Variants in NREP observed in about 807,000 individuals in gnomAD.
NREP encodes neuronal regeneration-related protein.
Under a neutral mutation model 8.6 loss-of-function variants are expected in NREP, and 5 were observed. That is an observed-to-expected ratio of 0.58 (90% CI 0.30 to 1.22). The LOEUF is 1.22. Ranked by LOEUF, NREP falls within the 50% of genes most tolerant of loss-of-function variation. The pLI, the probability that NREP is intolerant of heterozygous loss-of-function variation, is 0.07. For synonymous variants in NREP, 27 were observed against 28.0 expected (o/e 0.96, Z 0.11); for missense variants, 86 against 82.5 (o/e 1.04, Z -0.17).
At chr5:111,759,738 G>C (rs908279462), upstream of NREP, among the ~76,000 whole-genome samples, 1 of 152,142 alleles carries the variant, frequency 6.6e-6, no homozygotes, top group Admixed American at 6.5e-5. Flanking sequence ...AAGGATATAT[G>C]AGAAACTCAT....
chr5:111,785,933 T>C (rs1171040346), intron 2 of NREP, among the ~76,000 whole-genome samples: 3 of 152,152 alleles, frequency 2.0e-5, no homozygotes, highest in African/African-American at 7.2e-5. Flanking sequence ...AGAGAGAGTA[T>C]GAAAACAAGA....
chr5:111,810,796 T>A (rs377531662), intron 2 of NREP, among the ~76,000 whole-genome samples: 1 of 152,200 alleles, frequency 6.6e-6, no homozygotes, highest in Non-Finnish European at 1.5e-5. Context: ...GTCTTTGTTT[T>A]GGGGGGTACA....
At chr5:111,917,464 A>C (rs1755095424) in intron 2 of NREP, among the ~76,000 whole-genome samples, 1 of 152,138 alleles carries the variant, frequency 6.6e-6, no homozygotes, top group Admixed American at 6.5e-5. Context: ...TCCTCAATAA[A>C]ATACTGACAA....
intron 2 of NREP, among the ~76,000 whole-genome samples, chr5:111,831,188 C>T (rs1040152668): frequency 6.6e-6 from 1 of 152,106 alleles, no homozygotes; most frequent in Non-Finnish European, 1.5e-5. Flanking sequence ...TGTGGTTTTA[C>T]ACTCATCACT....
At chr5:111,875,250 AATAC>A (rs901139884) in intron 2 of NREP, among the ~76,000 whole-genome samples, 4 of 152,146 alleles carry the variant, frequency 2.6e-5, no homozygotes, top group African/African-American at 9.7e-5. Flanking sequence ...GTTTTAAAAT[AATAC>A]ATACTCTAAA....
intron 2 of NREP, among the ~76,000 whole-genome samples, chr5:111,914,878 C>T (rs895611979): frequency 6.6e-6 from 1 of 152,084 alleles, no homozygotes; most frequent in Non-Finnish European, 1.5e-5. Context: ...TAGGAATGTG[C>T]CCAAGAGTGC....
At chr5:111,852,920 A>G (rs1255397912) in intron 2 of NREP, among the ~76,000 whole-genome samples, 1 of 152,168 alleles carries the variant, frequency 6.6e-6, no homozygotes, top group Non-Finnish European at 1.5e-5. Context: ...AAGTAGATAG[A>G]GTGAGAGAAG....
rs529325649 is a variant in NREP at position 111,764,763 on chromosome 5, T to C, written c.136-29256A>G. On this transcript the variant is annotated intron_variant, in intron 2 of 3. Coordinates refer to the NREP transcript ENST00000395634. The stretch of plus-strand genomic sequence containing the variant: ...GGTAGTATTTTTATTCTTGTAATGA[T>C]ACCCAAGAAGGTAAACCCCTGACAG... 2.0e-5 allele frequency among the ~76,000 whole-genome samples: 3 copies of C among 152,328 alleles called. No individual in the cohort carries two copies. In the South Asian group the frequency reaches 6.2e-4, roughly 32 times the overall value.
intron 2 of NREP, among the ~76,000 whole-genome samples, chr5:111,970,447 C>T (rs922346263): frequency 6.6e-6 from 1 of 152,112 alleles, no homozygotes; most frequent in Non-Finnish European, 1.5e-5. Flanking sequence ...TCTCAAGCTC[C>T]TAAGGACTTC....
At chr5:111,964,326 A>T (rs1363280057) in intron 2 of NREP, among the ~76,000 whole-genome samples, 1 of 152,138 alleles carries the variant, frequency 6.6e-6, no homozygotes, top group Non-Finnish European at 1.5e-5. Flanking sequence ...CACATATTTC[A>T]TATATGTAAA....
intron 2 of NREP, among the ~76,000 whole-genome samples, chr5:111,741,824 T>TACACACAGACACACACACACAC (rs138411321): frequency 4.1e-5 from 3 of 73,438 alleles, no homozygotes; most frequent in African/African-American, 1.2e-4. Flanking sequence ...AACACACACA[T>TACACACAGACACACACACACAC]ACACACACAC....
At chr5:111,797,108 G>GATAT (rs1247041318) in intron 2 of NREP, among the ~76,000 whole-genome samples, 4 of 148,326 alleles carry the variant, frequency 2.7e-5, no homozygotes, top group Non-Finnish European at 6.0e-5. Context: ...TAGATAGATA[G>GATAT]ATATTTCAAA....
At chr5:111,760,128 T>C (rs1015476856), upstream of NREP, among the ~76,000 whole-genome samples, 1 of 152,192 alleles carries the variant, frequency 6.6e-6, no homozygotes, top group Non-Finnish European at 1.5e-5. Context: ...AAGATAATTT[T>C]TTGACGGGGT....
chr5:111,876,850 A>G (rs896552114), intron 2 of NREP, among the ~76,000 whole-genome samples: 2 of 152,228 alleles, frequency 1.3e-5, no homozygotes, highest in African/African-American at 4.8e-5. Flanking sequence ...AATTATTACT[A>G]AATCTATTCT....
intron 2 of NREP, among the ~76,000 whole-genome samples, chr5:111,764,750 A>C (rs1751041748): frequency 6.6e-6 from 1 of 152,180 alleles, no homozygotes; most frequent in Non-Finnish European, 1.5e-5. Flanking sequence ...TAGTATTTTT[A>C]TTCTTGTAAT....
chr5:111,961,181 T>C (rs1306346666), intron 2 of NREP, among the ~76,000 whole-genome samples: 3 of 152,232 alleles, frequency 2.0e-5, no homozygotes, highest in Non-Finnish European at 4.4e-5. Context: ...GAAGGTTCCC[T>C]GGCTGTCAGT....
intron 3 of NREP, 29 bp from the exon 4 acceptor site, chr5:111,731,075 C>G: frequency 6.2e-7 from 1 of 1,607,408 alleles, no homozygotes; most frequent in South Asian, 1.1e-5. Context: ...CACACACAGA[C>G]AGACACACAT....
intron 2 of NREP, among the ~76,000 whole-genome samples, chr5:111,876,125 C>T (rs904256751): frequency 1.3e-5 from 2 of 152,138 alleles, no homozygotes; most frequent in African/African-American, 4.8e-5. Flanking sequence ...TCTTATTGTC[C>T]CTGGTGGACA....
chr5:111,831,299 A>T (rs919179306), intron 2 of NREP, among the ~76,000 whole-genome samples: 1 of 151,918 alleles, frequency 6.6e-6, no homozygotes, highest in African/African-American at 2.4e-5. Context: ...TCTCTCCTCC[A>T]CTGACATCCT....
Sources: allele counts gnomAD v4.1 joint callset (sites outside exome capture counted in the v4.1 genomes callset), GRCh38; gene constraint gnomAD v4.1.1; transcripts MANE v1.5; gene names NCBI Gene and HGNC (gene_info 2026-07-23, HGNC 2026-07-21).